The following WDR25 variants were observed in gnomAD, a reference collection of about 807,000 sequenced individuals.
WDR25 encodes WD repeat-containing protein 25.
WDR25 carries 35 observed loss-of-function variants against 47.7 expected under a neutral mutation model. That is an observed-to-expected ratio of 0.73 (90% CI 0.56 to 0.97). The LOEUF is 0.97. Among genes scored for constraint, WDR25 ranks in the 50% least tolerant of loss-of-function variants. The pLI is 0.00. For missense variants in WDR25, 634 were observed against 704.7 expected (o/e 0.90, Z 1.14); for synonymous variants, 248 against 278.9 (o/e 0.89, Z 1.10).
At chr14:100,459,436 A>T (rs555374694) in intron 2 of WDR25, among the ~76,000 whole-genome samples, 1 of 152,276 alleles carries the variant, frequency 6.6e-6, no homozygotes, top group South Asian at 2.1e-4. Flanking sequence ...GAATTGTACC[A>T]CTTAAGAAAT....
chr14:100,411,559 TAG>T (rs1897708986), intron 2 of WDR25, among the ~76,000 whole-genome samples: 1 of 150,500 alleles, frequency 6.6e-6, no homozygotes, highest in South Asian at 2.1e-4. Flanking sequence ...TTTCTCGAGA[TAG>T]AGTCTTGCTC....
At chr14:100,497,138 G>T (rs1900758778) in intron 4 of WDR25, among the ~76,000 whole-genome samples, 1 of 152,158 alleles carries the variant, frequency 6.6e-6, no homozygotes, top group African/African-American at 2.4e-5. Context: ...ATTTGCCAAG[G>T]TTAGCTTTAT....
intron 2 of WDR25, among the ~76,000 whole-genome samples, chr14:100,393,635 G>T (rs1175314781): frequency 6.6e-6 from 1 of 152,214 alleles, no homozygotes; most frequent in Non-Finnish European, 1.5e-5. Flanking sequence ...ACATGGTGAA[G>T]AACTTTCCGG....
chr14:100,467,444 GAA>G (rs997158089), intron 2 of WDR25, among the ~76,000 whole-genome samples: 10 of 152,340 alleles, frequency 6.6e-5, no homozygotes, highest in African/African-American at 2.4e-4. Context: ...CTGCAGGGAT[GAA>G]ACAGGTGTGA....
intron 2 of WDR25, 75 bp from the exon 3 acceptor site, chr14:100,467,946 T>C (rs1322234792): frequency 1.3e-6 from 2 of 1,584,398 alleles, no homozygotes; most frequent in African/African-American, 1.4e-5. Context: ...TTTTTCTTTC[T>C]ACAGTGGGGT....
Position 100,424,610 on chromosome 14 carries a change from G to C in WDR25, c.822+42864G>C, listed in dbSNP as rs978292035. ...GGCCCAGGGCCCTGCTGCCTGTCCA[G>C]TGTTTGCGTGGGAATGTCTTGGGCC... On this transcript the variant is annotated intron_variant, in intron 2 of 6. Coordinates refer to ENST00000402312, the MANE Select transcript of WDR25 (RefSeq NM_001161476.3). This position sits in a 1 kb window ranked among gnomAD's most constrained non-coding sequence, Gnocchi z 4.2. Among the ~76,000 whole-genome samples the C allele has an allele frequency of 5.9e-5, 9 of 152,200 alleles. No homozygotes were observed. Among genetic ancestry groups the C allele is most frequent in the African/African-American group, 2.2e-4 (9 of 41,430 alleles).
At chr14:100,509,225 T>C (rs978867103) in intron 4 of WDR25, among the ~76,000 whole-genome samples, 9 of 152,244 alleles carry the variant, frequency 5.9e-5, no homozygotes, top group South Asian at 2.1e-4. Context: ...TAGGTAGATA[T>C]TGAATCACAA....
intron 2 of WDR25, among the ~76,000 whole-genome samples, chr14:100,462,396 T>C (rs1274364215): frequency 6.6e-6 from 1 of 152,220 alleles, no homozygotes; most frequent in African/African-American, 2.4e-5. Flanking sequence ...CGCACTTCAG[T>C]CTGCTGCAAT....
At chr14:100,378,019 C>T (rs1896764419) in intron 1 of WDR25, among the ~76,000 whole-genome samples, 1 of 152,168 alleles carries the variant, frequency 6.6e-6, no homozygotes, top group South Asian at 2.1e-4. Context: ...TTCCACCGCG[C>T]CCTCTGCTGT....
chr14:100,472,217 G>A (rs901007008), intron 3 of WDR25, among the ~76,000 whole-genome samples: 1 of 152,220 alleles, frequency 6.6e-6, no homozygotes, highest in African/African-American at 2.4e-5. Context: ...TGGAGCCCCG[G>A]CTGGGCAGGG....
intron 4 of WDR25, among the ~76,000 whole-genome samples, chr14:100,487,293 TA>T (rs1359963079): frequency 6.6e-6 from 1 of 152,236 alleles, no homozygotes; most frequent in Non-Finnish European, 1.5e-5. Flanking sequence ...GTAGGAGATT[TA>T]AAAAACTTTT....
chr14:100,398,844 C>T lies in WDR25; in HGVS notation c.822+17098C>T, dbSNP rs143022313. On this transcript the variant is annotated intron_variant, in intron 2 of 6. Transcript: ENST00000402312. ...CTAATTTTGAGTTCCCTGTTCTGAGCAAACCCTGCACATCCTGGCTGATGT... is the reference window on the plus strand; with the variant it reads ...CTAATTTTGAGTTCCCTGTTCTGAGTAAACCCTGCACATCCTGGCTGATGT... 3.9e-3 allele frequency among the ~76,000 whole-genome samples: 590 copies of T among 150,800 alleles called. 2 individuals carry two copies. The highest frequency in any genetic ancestry group is 0.014 in the African/African-American group (556 of 40,972).
At chr14:100,477,492 A>G (rs575276688) in intron 3 of WDR25, among the ~76,000 whole-genome samples, 1 of 152,346 alleles carries the variant, frequency 6.6e-6, no homozygotes, top group East Asian at 1.9e-4. Flanking sequence ...ACAGGTAAAC[A>G]AGCAAGATGG....
chr14:100,514,702 C>T (rs931752685), intron 4 of WDR25, among the ~76,000 whole-genome samples: 3 of 151,778 alleles, frequency 2.0e-5, no homozygotes, highest in Non-Finnish European at 4.4e-5. Flanking sequence ...GTTACAATCT[C>T]CAACATTGTT....
At chr14:100,390,882 T>C (rs1391487338) in intron 2 of WDR25, among the ~76,000 whole-genome samples, 1 of 152,212 alleles carries the variant, frequency 6.6e-6, no homozygotes, top group Non-Finnish European at 1.5e-5. Context: ...TTTAATGGTG[T>C]CTTGTTTGAG....
In WDR25 at chr14:100,498,319, C is replaced by CGGGCCATT. The variant is rs913528944; in HGVS notation, c.1101+14197_1101+14204dup. Among the ~76,000 whole-genome samples, 32 of 152,340 alleles carry CGGGCCATT rather than the reference C, an allele frequency of 2.1e-4. No homozygotes were observed. Among genetic ancestry groups the CGGGCCATT allele is most frequent in the African/African-American group, 7.2e-4 (30 of 41,578 alleles). Reference sequence around the variant, plus strand: ...ACTGAGGGCCACGTTCCGTAACAAGCGGGCCATTGCCACGCCCAGTTCAGA... The same window carrying CGGGCCATT: ...ACTGAGGGCCACGTTCCGTAACAAGCGGGCCATTGGGCCATTGCCACGCCCAGTTCAGA... On this transcript the variant is annotated intron_variant, in intron 4 of 6. Coordinates refer to ENST00000402312, the MANE Select transcript of WDR25 (RefSeq NM_001161476.3). This position sits in a 1 kb window ranked among gnomAD's most constrained non-coding sequence, Gnocchi z 4.2.
chr14:100,447,422 C>T (rs950023759), intron 2 of WDR25, among the ~76,000 whole-genome samples: 1 of 152,222 alleles, frequency 6.6e-6, no homozygotes, highest in Non-Finnish European at 1.5e-5. Flanking sequence ...GAGGCGTGGG[C>T]GTGCCAGCCT....
chr14:100,422,729 T>C (rs1898063072), intron 2 of WDR25, among the ~76,000 whole-genome samples: 3 of 152,242 alleles, frequency 2.0e-5, no homozygotes, highest in Admixed American at 2.0e-4. Context: ...CATCATTTGC[T>C]GTTAGGGATT....
chr14:100,511,519 C>T (rs1168701112), intron 4 of WDR25, among the ~76,000 whole-genome samples: 1 of 152,052 alleles, frequency 6.6e-6, no homozygotes, highest in Non-Finnish European at 1.5e-5. Context: ...ATCTGTCTAT[C>T]TCTATCCTCT....
Sources: allele counts gnomAD v4.1 joint callset (sites outside exome capture counted in the v4.1 genomes callset), GRCh38; gene constraint gnomAD v4.1.1; non-coding constraint Gnocchi (gnomAD v3.1); transcripts MANE v1.5; gene names NCBI Gene and HGNC (gene_info 2026-07-23, HGNC 2026-07-21).